Variants in RSPH6A observed in about 807,000 individuals in gnomAD.
The protein encoded by RSPH6A is radial spoke head 6 homolog A.
RSPH6A carries 49 observed loss-of-function variants against 66.1 expected under a neutral mutation model. That is an observed-to-expected ratio of 0.74 (90% CI 0.59 to 0.94). The LOEUF (loss-of-function observed/expected upper bound fraction) is 0.94. Among genes scored for constraint, RSPH6A ranks in the 40% least tolerant of loss-of-function variants. The pLI is 0.00. For synonymous variants in RSPH6A, 419 were observed against 402.4 expected, an observed-to-expected ratio of 1.04 and a Z score of -0.49; for missense variants, 977 against 948.3, an observed-to-expected ratio of 1.03 and a Z score of -0.40.
chr19:45,807,087 T>A (rs1341178381), intron 2 of RSPH6A, among the ~76,000 whole-genome samples: 1 of 150,618 alleles, frequency 6.6e-6, no homozygotes, highest in Non-Finnish European at 1.5e-5. Flanking sequence ...AGAGATGGGG[T>A]TTCACCATGT....
intron 5 of RSPH6A, among the ~76,000 whole-genome samples, chr19:45,798,620 T>C (rs940843780): frequency 5.7e-4 from 85 of 149,148 alleles, no homozygotes; most frequent in Admixed American, 1.7e-3. Flanking sequence ...GGGCGGATCA[T>C]GAGGTCAGGA....
intron 4 of RSPH6A, among the ~76,000 whole-genome samples, chr19:45,801,632 A>C (rs954562274): frequency 6.6e-6 from 1 of 152,122 alleles, no homozygotes; most frequent in Non-Finnish European, 1.5e-5. Context: ...GTGGTGGCAC[A>C]CGCCTGCAAT....
At chr19:45,812,566 T>C (rs1970644068) in intron 1 of RSPH6A, among the ~76,000 whole-genome samples, 3 of 152,080 alleles carry the variant, frequency 2.0e-5, no homozygotes, top group Admixed American at 2.0e-4. Context: ...AGCCTGAAGC[T>C]CTGAAGAGCT....
chr19:45,814,353 A>G (rs1485986683), intron 1 of RSPH6A, among the ~76,000 whole-genome samples, 174 bp downstream of exon 1: 1 of 152,218 alleles, frequency 6.6e-6, no homozygotes, highest in Non-Finnish European at 1.5e-5. Flanking sequence ...GTGCCAGCAC[A>G]TGTCTGGGAA....
chr19:45,805,752 G>C (rs1359190732), intron 2 of RSPH6A, among the ~76,000 whole-genome samples: 1 of 152,150 alleles, frequency 6.6e-6, no homozygotes, highest in African/African-American at 2.4e-5. Flanking sequence ...CAGCTGCTCA[G>C]GCCACTTGTG....
intron 1 of RSPH6A, among the ~76,000 whole-genome samples, chr19:45,814,252 G>A (rs1970668931): frequency 1.3e-5 from 2 of 152,132 alleles, no homozygotes; most frequent in African/African-American, 2.4e-5. Context: ...TTGGGTAAGC[G>A]ACCCAACTTC....
intron 1 of RSPH6A, 113 bp downstream of exon 1, chr19:45,814,414 C>A: frequency 1.0e-6 from 1 of 966,342 alleles, no homozygotes; most frequent in Non-Finnish European, 1.4e-6. Flanking sequence ...GAATTAGAGT[C>A]ACTGGTTTTC....
chr19:45,805,126 G>C, intron 2 of RSPH6A, 110 bp from the exon 3 acceptor site: 1 of 911,510 alleles, frequency 1.1e-6, no homozygotes, highest in South Asian at 1.7e-5. Context: ...GCCGGGTGCA[G>C]TGGCTCACGC....
At chr19:45,807,935 T>C (rs1970568330) in intron 2 of RSPH6A, among the ~76,000 whole-genome samples, 1 of 152,156 alleles carries the variant, frequency 6.6e-6, no homozygotes, top group Non-Finnish European at 1.5e-5. Flanking sequence ...CAGAGCCACC[T>C]TGCAAGACTA....
In RSPH6A at chr19:45,795,744, C is replaced by G; in HGVS notation, c.*125G>C. The G allele has an allele frequency of 1.2e-6, 1 of 860,408 alleles. No homozygotes were observed. 53.3% of individuals were successfully genotyped at this position (860,408 alleles called of 1,614,324 possible). On this transcript the variant is annotated 3_prime_UTR_variant, in exon 6 of 6. Coordinates refer to ENST00000221538, the MANE Select transcript of RSPH6A (RefSeq NM_030785.4). ...GGAGGAATTTTATTTGAAGCAGTTG[C>G]CTTCCTTTTCTATCCCTGCCCTCTG... is the stretch of plus-strand genomic sequence containing the variant.
Position 45,805,073 on chromosome 19 carries a change from C to T in RSPH6A, c.889-57G>A, listed in dbSNP as rs1396326154. 5.5e-6 allele frequency: 8 copies of T among 1,442,550 alleles called. No homozygotes were observed. In the East Asian group the frequency reaches 1.6e-4, roughly 29 times the overall value. 89.4% of individuals were successfully genotyped at this position (1,442,550 alleles called of 1,614,324 possible). A position where few individuals can be genotyped will look rare whatever the true frequency, so the allele number is the denominator to read the frequency against. On this transcript the variant is annotated intron_variant, in intron 2 of 5. Coordinates refer to ENST00000221538, the MANE Select transcript of RSPH6A (RefSeq NM_030785.4). ...GAATGCTGAAGCTCTGCTCCCTAGC[C>T]TACCTCTTCCAGACTCTTCTAGAGT... is the stretch of plus-strand genomic sequence containing the variant.
rs749501077 is a variant in RSPH6A, at chr19:45,800,424, G to A, written c.1916+22C>T. The stretch of plus-strand genomic sequence containing the variant: ...AAGTCCTGAGAGATTCTCCTGCTGG[G>A]AGGGGCTGGGGGAAGACCTACTTGC... On this transcript the variant is annotated intron_variant, in intron 5 of 5. Coordinates refer to ENST00000221538, the MANE Select transcript of RSPH6A (RefSeq NM_030785.4). 3 of 1,599,542 alleles carry A rather than the reference G, an allele frequency of 1.9e-6. No homozygotes were observed. The South Asian group carries it at 3.3e-5, about 18-fold the overall frequency.
At chr19:45,796,660 A>T (rs1970411685) in intron 5 of RSPH6A, among the ~76,000 whole-genome samples, 1 of 150,520 alleles carries the variant, frequency 6.6e-6, no homozygotes, top group South Asian at 2.1e-4. Flanking sequence ...CTACAGGCAC[A>T]CACCACCTCG....
At chr19:45,803,110 G>A (rs1167668295) in intron 3 of RSPH6A, among the ~76,000 whole-genome samples, 6 of 151,314 alleles carry the variant, frequency 4.0e-5, no homozygotes, top group Non-Finnish European at 7.4e-5. Context: ...TCAGGAGGCT[G>A]AGGCAGGAGA....
At position 45,814,730 on chromosome 19, in the gene RSPH6A, G is replaced by C; in HGVS notation, c.447C>G (p.Phe149Leu). ...QEPPVNPLGQ[F>L]NLYQTDQFSE... ...AGAACTGGTCTGTCTGGTAGAGGTT[G>C]AACTGGCCCAAGGGGTTGACTGGGG... Residue 149 changes from phenylalanine (F) to leucine (L), a missense_variant, in exon 1 of 6, where the codon TTC becomes TTG. Transcript: ENST00000221538. The C allele has an allele frequency of 6.2e-7, 1 of 1,613,804 alleles. No homozygotes were observed. Among genetic ancestry groups the C allele is most frequent in the Non-Finnish European group, 8.5e-7 (1 of 1,179,862 alleles).
chr19:45,795,908 C>T lies in RSPH6A; in HGVS notation c.2115G>A (p.Glu705=), dbSNP rs777549051. 1.4e-6 allele frequency: 2 copies of T among 1,471,580 alleles called. No homozygotes were observed. The highest frequency in any genetic ancestry group is 1.8e-6 in the Non-Finnish European group (2 of 1,084,760). 91.2% of individuals were successfully genotyped at this position (1,471,580 alleles called of 1,614,324 possible). A position where few individuals can be genotyped will look rare whatever the true frequency, so the allele number is the denominator to read the frequency against. The change falls in exon 6 of 6, where the codon GAG becomes GAA. Residue 705 remains glutamate, a synonymous_variant. Transcript: ENST00000221538. Reference sequence around the variant, plus strand: ...CCTCGCCCTCCTCCTCCTCCTCGCCCTCCTCCTCCTCCTCTGTGGCTCCCA... The same window carrying T: ...CCTCGCCCTCCTCCTCCTCCTCGCCTTCCTCCTCCTCCTCTGTGGCTCCCA... ...QALGATEEEE[E]GEEEEEGEET...
chr19:45,807,254 C>A (rs12462616), intron 2 of RSPH6A, among the ~76,000 whole-genome samples: 121,798 of 150,926 alleles, frequency 0.81, 49,191 homozygotes, highest in East Asian at 0.9. Context: ...CTTGCTCTGT[C>A]GCCCAGGCTG....
At chr19:45,813,091 C>T (rs992828459) in intron 1 of RSPH6A, among the ~76,000 whole-genome samples, 1 of 152,070 alleles carries the variant, frequency 6.6e-6, no homozygotes, top group African/African-American at 2.4e-5. Context: ...TGGAGGGACA[C>T]GGCCAGCTTT....
chr19:45,800,774 A>ACACACTCT (rs1491172653), intron 4 of RSPH6A, among the ~76,000 whole-genome samples: 22 of 105,092 alleles, frequency 2.1e-4, no homozygotes, highest in South Asian at 6.5e-4. Context: ...ACACACACAC[A>ACACACTCT]CTCTCTCTCT....
Sources: gnomAD v4.1 joint callset for allele counts (sites outside exome capture counted in the v4.1 genomes callset) on GRCh38, gnomAD v4.1.1 for gene constraint, MANE v1.5 for transcripts, NCBI Gene and HGNC (gene_info 2026-07-23, HGNC 2026-07-21) for gene names.